PCLO: variants seen among roughly 807,000 people sequenced by gnomAD.
The protein encoded by PCLO is protein piccolo.
PCLO carries 82 observed loss-of-function variants against 427.5 expected under a neutral mutation model. The observed-to-expected ratio is 0.19, with a 90% CI of 0.16 to 0.23. The LOEUF is 0.23. PCLO is among the 10% of genes least tolerant of loss of function. PCLO has a pLI of 1.00. For synonymous variants in PCLO, 2,357 were observed against 2,155.4 expected, an observed-to-expected ratio of 1.09 and a Z score of -2.59; for missense variants, 6,239 against 6,115.9, an observed-to-expected ratio of 1.02 and a Z score of -0.67.
At chr7:82,938,949 A>C (rs1246951786) in intron 6 of PCLO, among the ~76,000 whole-genome samples, 1 of 152,028 alleles carries the variant, frequency 6.6e-6, no homozygotes, top group Non-Finnish European at 1.5e-5. Flanking sequence ...TAACATGAAA[A>C]CTTGTCTTAA....
rs745824155 is a variant in PCLO, at chr7:83,093,472, G to GTGTGTGTGTGTGTA, written c.3300+40777_3300+40778insTACACACACACACA. On this transcript the variant is annotated intron_variant, in intron 3 of 24. Transcript: ENST00000333891. ...ACCACAAACATATATATGTGTGTGTGTATAGATATATATATATATATTTTT... is the reference window on the plus strand; with the variant it reads ...ACCACAAACATATATATGTGTGTGTGTGTGTGTGTGTGTATATAGATATATATATATATATTTTT... Among the ~76,000 whole-genome samples, 160 of 99,124 alleles carry GTGTGTGTGTGTGTA rather than the reference G, an allele frequency of 1.6e-3. 6 individuals carry two copies. The highest frequency in any genetic ancestry group is 2.6e-3 in the South Asian group (9 of 3,402). 65.0% of individuals were successfully genotyped at this position (99,124 alleles called of 152,430 possible).
intron 6 of PCLO, 73 bp downstream of exon 6, chr7:82,949,403 G>C: frequency 1.8e-6 from 2 of 1,139,536 alleles, no homozygotes; most frequent in South Asian, 3.0e-5. Flanking sequence ...GAGCCTGATC[G>C]CCTCCTAAAA....
intron 3 of PCLO, among the ~76,000 whole-genome samples, chr7:83,080,907 G>T (rs906738854): frequency 2.0e-5 from 3 of 151,582 alleles, no homozygotes; most frequent in African/African-American, 7.3e-5. Flanking sequence ...CATGGTAAGA[G>T]ATTAGCAACA....
intron 15 of PCLO, 61 bp downstream of exon 15, chr7:82,838,157 G>C: frequency 8.4e-7 from 1 of 1,195,906 alleles, no homozygotes; most frequent in Non-Finnish European, 1.2e-6. Context: ...AAATTAAAGA[G>C]TAGAAAATAC....
chr7:82,925,042 A>G (rs1449969439), intron 6 of PCLO, among the ~76,000 whole-genome samples: 1 of 152,090 alleles, frequency 6.6e-6, no homozygotes, highest in African/African-American at 2.4e-5. Flanking sequence ...AACTATCTTC[A>G]TCCAGGAACT....
In PCLO at chr7:82,756,205, C is replaced by T. The variant is rs1420893012; in HGVS notation, c.*2370G>A. The T allele has an allele frequency of 6.6e-6, 1 of 152,082 alleles. No individual in the cohort carries two copies. Among genetic ancestry groups the T allele is most frequent in the Non-Finnish European group, 1.5e-5 (1 of 68,014 alleles). The allele number at this position is 152,082 out of a possible 1,614,324, so 9.4% of individuals were successfully genotyped here. A position where few individuals can be genotyped will look rare whatever the true frequency, so the allele number is the denominator to read the frequency against. The stretch of plus-strand genomic sequence containing the variant: ...AGGATCAGAGATGAGTCAGGGTTTT[C>T]TTTTAAGGGCAAATACCAGAGCCTT... On this transcript the variant is annotated 3_prime_UTR_variant, in exon 25 of 25. Coordinates refer to ENST00000333891, the MANE Select transcript of PCLO (RefSeq NM_033026.6).
intron 3 of PCLO, among the ~76,000 whole-genome samples, chr7:83,033,280 C>G (rs2116158026): frequency 6.6e-6 from 1 of 152,286 alleles, no homozygotes; most frequent in South Asian, 2.1e-4. Context: ...GAATACCCAT[C>G]TAACTTCTCA....
chr7:83,001,689 G>C (rs1419071489), intron 3 of PCLO, among the ~76,000 whole-genome samples: 7 of 152,008 alleles, frequency 4.6e-5, no homozygotes, highest in Admixed American at 4.6e-4. Flanking sequence ...GGACTGGGCT[G>C]GGCAGAACAA....
intron 3 of PCLO, among the ~76,000 whole-genome samples, chr7:83,126,346 T>G (rs2116585139): frequency 6.6e-6 from 1 of 152,200 alleles, no homozygotes; most frequent in African/African-American, 2.4e-5. Flanking sequence ...CTATAATTAA[T>G]TATATATTTC....
chr7:83,053,823 T>C (rs1789312582), intron 3 of PCLO, among the ~76,000 whole-genome samples: 1 of 151,950 alleles, frequency 6.6e-6, no homozygotes, highest in South Asian at 2.1e-4. Flanking sequence ...TTTAAGATGA[T>C]AATATTTATA....
intron 6 of PCLO, among the ~76,000 whole-genome samples, chr7:82,923,180 C>G (rs1056702549): frequency 6.6e-6 from 1 of 151,970 alleles, no homozygotes; most frequent in Admixed American, 6.6e-5. Flanking sequence ...TAAGATATAA[C>G]AGGAAGCCTG....
At chr7:82,800,953 T>C (rs1791335212) in intron 22 of PCLO, among the ~76,000 whole-genome samples, 1 of 151,964 alleles carries the variant, frequency 6.6e-6, no homozygotes, top group South Asian at 2.1e-4. Context: ...TAGATACTCC[T>C]TTTATATGTT....
chr7:83,076,838 C>T lies in PCLO; in HGVS notation c.3300+57412G>A, dbSNP rs1050342734. Among the ~76,000 whole-genome samples the T allele has an allele frequency of 1.5e-4, 23 of 151,736 alleles. No individual in the cohort carries two copies. In the Middle Eastern group the frequency reaches 0.01, roughly 68 times the overall value. ...ACCTTCCTACCTTTAAGGAGCTATC[C>T]AATAATCAGCTCTTAAACCTCTATT... On this transcript the variant is annotated intron_variant, in intron 3 of 24. Coordinates refer to ENST00000333891, the MANE Select transcript of PCLO (RefSeq NM_033026.6).
At chr7:82,815,957 C>T (rs1791669967) in intron 20 of PCLO, among the ~76,000 whole-genome samples, 2 of 151,978 alleles carry the variant, frequency 1.3e-5, no homozygotes, top group Non-Finnish European at 1.5e-5. Context: ...CTCAACACCC[C>T]GATCAAAATT....
At chr7:83,030,367 A>C (rs549313205) in intron 3 of PCLO, among the ~76,000 whole-genome samples, 1 of 152,198 alleles carries the variant, frequency 6.6e-6, no homozygotes, top group African/African-American at 2.4e-5. Flanking sequence ...TCAAAATTAG[A>C]GGACAGTAGA....
At position 82,761,418 on chromosome 7, in the gene PCLO, A is replaced by G. The variant is rs760089997; in HGVS notation, c.15083T>C (p.Val5028Ala). ...AATATTTCTGCATTGGAGAATTTCA[A>G]CTATTAGTTGTTCACCATCTGTCTT... ...EMKTDGEQLI[V>A]EILQCRNITY... is the part of the protein sequence containing the mutation. The change falls in exon 23 of 25, where the codon GTT (valine) becomes GCT (alanine). Residue 5028 changes from valine (V) to alanine (A), a missense_variant. Physicochemically the swap from Val to Ala is moderately conservative, Grantham distance 64 (BLOSUM62 0). Transcript: ENST00000333891. 2 of 1,569,146 alleles carry G rather than the reference A, an allele frequency of 1.3e-6. No individual in the cohort carries two copies. Among genetic ancestry groups the G allele is most frequent in the Non-Finnish European group, 8.7e-7 (1 of 1,146,078 alleles).
chr7:82,894,818 G>A (rs1374208105), intron 9 of PCLO, among the ~76,000 whole-genome samples: 2 of 152,008 alleles, frequency 1.3e-5, no homozygotes, highest in Admixed American at 1.3e-4. Context: ...ATTAAACTGG[G>A]AGACTGGGAA....
At chr7:83,154,439 A>G (rs1279355548) in intron 2 of PCLO, among the ~76,000 whole-genome samples, 1 of 152,238 alleles carries the variant, frequency 6.6e-6, no homozygotes, top group Non-Finnish European at 1.5e-5. Context: ...AGTTAAAGCA[A>G]TACCATTGTA....
intron 3 of PCLO, among the ~76,000 whole-genome samples, chr7:83,096,516 T>C (rs78522948): frequency 1.4e-3 from 213 of 151,666 alleles, no homozygotes; most frequent in African/African-American, 5.0e-3. Flanking sequence ...ATTTAAACCA[T>C]GTGAAGGACT....
Sources: gnomAD v4.1 joint callset for allele counts (sites outside exome capture counted in the v4.1 genomes callset) on GRCh38, gnomAD v4.1.1 for gene constraint, MANE v1.5 for transcripts, NCBI Gene and HGNC (gene_info 2026-07-23, HGNC 2026-07-21) for gene names.